IMMP2L: variants seen among roughly 807,000 people sequenced by gnomAD.
IMMP2L encodes the protein inner mitochondrial membrane peptidase subunit 2.
A neutral mutation model predicts 19.3 loss-of-function variants in IMMP2L; 18 were observed. The observed-to-expected ratio is 0.93, with a 90% CI of 0.64 to 1.38. The LOEUF (loss-of-function observed/expected upper bound fraction) is 1.38. IMMP2L is among the 40% of genes most tolerant of loss of function. The pLI, the probability that IMMP2L is intolerant of heterozygous loss-of-function variation, is 0.00. For missense variants in IMMP2L, 233 were observed against 218.2 expected, an observed-to-expected ratio of 1.07 and a Z score of -0.43; for synonymous variants, 76 against 73.0, an observed-to-expected ratio of 1.04 and a Z score of -0.21.
At chr7:110,774,298 G>A (rs1181063557) in intron 5 of IMMP2L, among the ~76,000 whole-genome samples, 2 of 152,066 alleles carry the variant, frequency 1.3e-5, no homozygotes, top group Admixed American at 6.6e-5. Flanking sequence ...AATTGAAACT[G>A]TTCTTCAGTG....
chr7:111,215,635 C>T (rs1811851222), intron 3 of IMMP2L, among the ~76,000 whole-genome samples: 1 of 152,138 alleles, frequency 6.6e-6, no homozygotes, highest in African/African-American at 2.4e-5. Flanking sequence ...AGTATCAGAT[C>T]ACCCACAAAT....
intron 3 of IMMP2L, among the ~76,000 whole-genome samples, chr7:111,444,194 G>A (rs1008766312): frequency 1.3e-5 from 2 of 151,788 alleles, no homozygotes; most frequent in East Asian, 3.9e-4. Flanking sequence ...TTTTTCTGAG[G>A]GTTTAAAATA....
intron 3 of IMMP2L, among the ~76,000 whole-genome samples, chr7:111,324,963 T>G (rs1584632279): frequency 6.6e-6 from 1 of 151,836 alleles, no homozygotes; most frequent in Non-Finnish European, 1.5e-5. Flanking sequence ...AAACATTAAC[T>G]GAAATTAATA....
At chr7:111,335,891 T>C (rs895063360) in intron 3 of IMMP2L, among the ~76,000 whole-genome samples, 1 of 152,170 alleles carries the variant, frequency 6.6e-6, no homozygotes, top group African/African-American at 2.4e-5. Flanking sequence ...TTATCTGGGA[T>C]GATATACATC....
intron 5 of IMMP2L, among the ~76,000 whole-genome samples, chr7:110,839,144 C>T (rs749965958): frequency 1.3e-5 from 2 of 151,944 alleles, no homozygotes; most frequent in African/African-American, 2.4e-5. Flanking sequence ...AAAAATTAGA[C>T]GATGATTCAC....
At chr7:111,503,589 A>G (rs36198960) in intron 2 of IMMP2L, among the ~76,000 whole-genome samples, 9,144 of 152,118 alleles carry the variant, frequency 0.06, 385 homozygotes, top group Non-Finnish European at 0.089. Flanking sequence ...CTGGCAAACC[A>G]AATCCAGCAG....
intron 3 of IMMP2L, among the ~76,000 whole-genome samples, chr7:111,042,629 C>T (rs184359503): frequency 5.9e-4 from 90 of 152,306 alleles, no homozygotes; most frequent in African/African-American, 2.0e-3. Context: ...GGATATAGAG[C>T]AGGCCATGCT....
chr7:110,820,764 C>A (rs960565014), intron 5 of IMMP2L, among the ~76,000 whole-genome samples: 2 of 152,094 alleles, frequency 1.3e-5, no homozygotes, highest in African/African-American at 4.8e-5. Flanking sequence ...GGCACAGACT[C>A]TACCCTAATA....
chr7:110,818,797 C>T (rs2131319539), intron 5 of IMMP2L, among the ~76,000 whole-genome samples: 1 of 151,974 alleles, frequency 6.6e-6, no homozygotes. Flanking sequence ...ATGATGAGTT[C>T]ATGTCCTTTG....
chr7:111,424,256 A>C (rs1335340387), intron 3 of IMMP2L, among the ~76,000 whole-genome samples: 2 of 151,784 alleles, frequency 1.3e-5, no homozygotes, highest in Non-Finnish European at 2.9e-5. Context: ...GTTACAACGC[A>C]AGTGCACAAC....
intron 3 of IMMP2L, among the ~76,000 whole-genome samples, chr7:111,167,580 G>A (rs1805964674): frequency 6.6e-6 from 1 of 151,814 alleles, no homozygotes; most frequent in South Asian, 2.1e-4. Flanking sequence ...AAAACAAATG[G>A]ATTGTTGCAG....
chr7:110,756,571 G>A (rs2130945229), intron 5 of IMMP2L, among the ~76,000 whole-genome samples: 1 of 152,152 alleles, frequency 6.6e-6, no homozygotes, highest in East Asian at 1.9e-4. Context: ...GCCAAGCACC[G>A]AACCCTGAGA....
chr7:110,850,631 A>G (rs1222341227), intron 5 of IMMP2L, among the ~76,000 whole-genome samples: 1 of 151,970 alleles, frequency 6.6e-6, no homozygotes, highest in Non-Finnish European at 1.5e-5. Flanking sequence ...CTAAGCCCCA[A>G]TTTTAGGGCT....
intron 1 of IMMP2L, among the ~76,000 whole-genome samples, chr7:111,532,323 A>C (rs148691334): frequency 1.2e-3 from 176 of 152,218 alleles, no homozygotes; most frequent in African/African-American, 4.2e-3. Context: ...CTTCGGTCTT[A>C]TTTTAGAATG....
At chr7:111,403,004 A>ACC (rs1298051468) in intron 3 of IMMP2L, among the ~76,000 whole-genome samples, 6 of 32,536 alleles carry the variant, frequency 1.8e-4, no homozygotes, top group African/African-American at 7.5e-4. Flanking sequence ...CCCCCCCCCC[A>ACC]CCCCGCCAGG....
At chr7:111,236,803 C>T (rs1438684295) in intron 3 of IMMP2L, among the ~76,000 whole-genome samples, 2 of 152,108 alleles carry the variant, frequency 1.3e-5, no homozygotes, top group Non-Finnish European at 2.9e-5. Flanking sequence ...TCAAGGCAAT[C>T]AGCTGGTACA....
At chr7:111,056,270 T>C (rs1345721710) in intron 3 of IMMP2L, among the ~76,000 whole-genome samples, 1 of 152,228 alleles carries the variant, frequency 6.6e-6, no homozygotes, top group Non-Finnish European at 1.5e-5. Context: ...ACTAATGACC[T>C]TCTGTCAACC....
At chr7:110,889,023 A>G (rs1403266100) in intron 4 of IMMP2L, among the ~76,000 whole-genome samples, 2 of 152,220 alleles carry the variant, frequency 1.3e-5, no homozygotes, top group African/African-American at 2.4e-5. Flanking sequence ...AGACTAAACC[A>G]GTTTTAATTT....
rs989417678 is a variant in IMMP2L, at chr7:111,079,796, T to A, written c.240-116231A>T. 5.3e-5 allele frequency among the ~76,000 whole-genome samples: 8 copies of A among 152,182 alleles called. No homozygotes were observed. The South Asian group carries it at 6.2e-4, about 12-fold the overall frequency. ...CTTGATCCCCAAATTCATATACTGA[T>A]GGCACTTGGAGGTGGGGCCTTTTGG... On this transcript the variant is annotated intron_variant, in intron 3 of 5. Coordinates refer to ENST00000405709, the MANE Select transcript of IMMP2L (RefSeq NM_032549.4).
Sources: allele counts gnomAD v4.1 joint callset (sites outside exome capture counted in the v4.1 genomes callset), GRCh38; gene constraint gnomAD v4.1.1; transcripts MANE v1.5; gene names NCBI Gene and HGNC (gene_info 2026-07-23, HGNC 2026-07-21).